MYO1E: variants seen among roughly 807,000 people sequenced by gnomAD.
MYO1E encodes myosin IE, also known as unconventional myosin-Ie.
MYO1E carries 68 observed loss-of-function variants against 151.1 expected under a neutral mutation model. The observed-to-expected ratio is 0.45, with a 90% confidence interval of 0.37 to 0.55. MYO1E has a LOEUF of 0.55. Ranked by LOEUF, MYO1E falls within the 20% of genes least tolerant of loss-of-function variation. MYO1E has a pLI of 0.00. For synonymous variants in MYO1E, 601 were observed against 501.7 expected, an observed-to-expected ratio of 1.20 and a Z score of -2.64; for missense variants, 1,363 against 1,389.3, an observed-to-expected ratio of 0.98 and a Z score of 0.30.
intron 10 of MYO1E, among the ~76,000 whole-genome samples, chr15:59,215,159 A>G (rs926100033): frequency 1.8e-4 from 28 of 152,298 alleles, no homozygotes; most frequent in South Asian, 8.3e-4. Context: ...CAGGGATGCT[A>G]AGGACAAGAC....
chr15:59,238,735 C>T (rs966296153), intron 4 of MYO1E, among the ~76,000 whole-genome samples: 12 of 151,842 alleles, frequency 7.9e-5, no homozygotes, highest in African/African-American at 2.9e-4. Context: ...CCATGCCTAG[C>T]TAATTTTTTA....
chr15:59,357,593 TTTGTTGTTGTTGTTG>T (rs146568549), intron 1 of MYO1E, among the ~76,000 whole-genome samples: 2 of 149,892 alleles, frequency 1.3e-5, no homozygotes, highest in African/African-American at 5.0e-5. Context: ...CCTGGCTATT[TTTGTTGTTGTTGTTG>T]TTGTTGTTGT....
chr15:59,275,170 C>G (rs1056485215), intron 1 of MYO1E, among the ~76,000 whole-genome samples: 1 of 152,128 alleles, frequency 6.6e-6, no homozygotes, highest in Non-Finnish European at 1.5e-5. Flanking sequence ...CAGTCTCATA[C>G]ATGAATGACT....
At position 59,134,154 on chromosome 15, in the gene MYO1E, G is replaced by A. The variant is rs1354999589; in HGVS notation, c.*3226C>T. 6.6e-6 allele frequency: 1 copy of A among 152,268 alleles called. No homozygotes were observed. The highest frequency in any genetic ancestry group is 1.5e-5 in the Non-Finnish European group (1 of 68,112). 9.4% of individuals were successfully genotyped at this position (152,268 alleles called of 1,614,324 possible). A position where few individuals can be genotyped will look rare whatever the true frequency, so the allele number is the denominator to read the frequency against. On this transcript the variant is annotated 3_prime_UTR_variant, in exon 28 of 28. Transcript: ENST00000288235. ...ATTGGTGGACATGGTGTGCACACAG[G>A]GCAGGTCCTTTAAGGAGGAAACTGC...
chr15:59,208,560 A>T, intron 14 of MYO1E, 121 bp downstream of exon 14: 2 of 1,240,928 alleles, frequency 1.6e-6, no homozygotes, highest in Non-Finnish European at 2.4e-6. Context: ...TTTGATAGTT[A>T]ATAAATTCCG....
chr15:59,309,599 C>T (rs146008080), intron 1 of MYO1E, among the ~76,000 whole-genome samples: 3,155 of 152,314 alleles, frequency 0.021, 53 homozygotes, highest in Middle Eastern at 0.031. Flanking sequence ...GCCCTAGAAC[C>T]GCCTTGTGAG....
chr15:59,148,647 T>C lies in MYO1E; in HGVS notation c.3080+4943A>G, dbSNP rs529424395. On this transcript the variant is annotated intron_variant, in intron 26 of 27. Coordinates refer to ENST00000288235, the MANE Select transcript of MYO1E (RefSeq NM_004998.4). Reference sequence around the variant, plus strand: ...CCCATAGATTATGGGTTGAGAAATATTGCTATTGGACACTTGATGGAAATT... The same window carrying C: ...CCCATAGATTATGGGTTGAGAAATACTGCTATTGGACACTTGATGGAAATT... Among the ~76,000 whole-genome samples, 11 of 152,246 alleles carry C rather than the reference T, an allele frequency of 7.2e-5. No individual in the cohort carries two copies. In the South Asian group the frequency reaches 2.3e-3, roughly 32 times the overall value.
intron 1 of MYO1E, among the ~76,000 whole-genome samples, chr15:59,298,496 C>T (rs1462765570): frequency 4.6e-5 from 7 of 152,130 alleles, no homozygotes; most frequent in African/African-American, 1.7e-4. Flanking sequence ...GCCCAGACAG[C>T]ACTGTGGGAA....
At chr15:59,372,249 A>C (rs2080950692) in intron 1 of MYO1E, among the ~76,000 whole-genome samples, 1 of 152,166 alleles carries the variant, frequency 6.6e-6, no homozygotes, top group Admixed American at 6.5e-5. Context: ...AGCCATAGCA[A>C]CCCGGCCACA....
At chr15:59,250,155 C>T (rs1441637401) in intron 4 of MYO1E, among the ~76,000 whole-genome samples, 1 of 152,048 alleles carries the variant, frequency 6.6e-6, no homozygotes, top group African/African-American at 2.4e-5. Flanking sequence ...TGTCTATGCC[C>T]CTGGAATGTC....
chr15:59,339,850 T>G (rs1051499883), intron 1 of MYO1E, among the ~76,000 whole-genome samples: 2 of 80,856 alleles, frequency 2.5e-5, no homozygotes, highest in Non-Finnish European at 4.8e-5. Context: ...CATACTTTTT[T>G]TTGTTTTTTT....
chr15:59,341,016 C>CAAAAAAA (rs35367694), intron 1 of MYO1E, among the ~76,000 whole-genome samples: 11 of 86,234 alleles, frequency 1.3e-4, no homozygotes, highest in South Asian at 3.8e-4. Context: ...GACTCCATCT[C>CAAAAAAA]AAAAAAAAAA....
chr15:59,135,132 T>C lies in MYO1E; in HGVS notation c.*2248A>G, dbSNP rs1431086873. The C allele has an allele frequency of 6.6e-6, 1 of 152,240 alleles. No individual in the cohort carries two copies. Among genetic ancestry groups the C allele is most frequent in the Non-Finnish European group, 1.5e-5 (1 of 68,062 alleles). The allele number at this position is 152,240 out of a possible 1,614,324, so 9.4% of individuals were successfully genotyped here. A position where few individuals can be genotyped will look rare whatever the true frequency, so the allele number is the denominator to read the frequency against. ...CACTTACCTATTTCAGCACCATTTG[T>C]TGGGCATCTCCTTGAGCCTGGCACT... On this transcript the variant is annotated 3_prime_UTR_variant, in exon 28 of 28. Coordinates refer to ENST00000288235, the MANE Select transcript of MYO1E (RefSeq NM_004998.4).
At chr15:59,255,845 G>C (rs953425189) in intron 4 of MYO1E, among the ~76,000 whole-genome samples, 14 of 152,202 alleles carry the variant, frequency 9.2e-5, no homozygotes, top group African/African-American at 3.4e-4. Context: ...ACCCAGCCAG[G>C]ATTCAGAGCC....
chr15:59,186,155 G>C (rs1352569103), intron 18 of MYO1E, among the ~76,000 whole-genome samples: 10 of 152,162 alleles, frequency 6.6e-5, no homozygotes, highest in African/African-American at 2.4e-4. Flanking sequence ...AGAGAACAAA[G>C]AGGGTAAACC....
At chr15:59,287,880 G>C (rs1269308903) in intron 1 of MYO1E, among the ~76,000 whole-genome samples, 2 of 152,214 alleles carry the variant, frequency 1.3e-5, no homozygotes, top group African/African-American at 2.4e-5. Flanking sequence ...CAACTAGAAG[G>C]AGTGGATCAG....
intron 1 of MYO1E, among the ~76,000 whole-genome samples, chr15:59,302,779 TATATA>T (rs1329075889): frequency 6.6e-6 from 1 of 152,122 alleles, no homozygotes. Context: ...CTCTGGACAC[TATATA>T]AATTATACAA....
chr15:59,195,294 C>G (rs565588691), intron 17 of MYO1E, among the ~76,000 whole-genome samples, 167 bp downstream of exon 17: 1 of 152,132 alleles, frequency 6.6e-6, no homozygotes, highest in African/African-American at 2.4e-5. Flanking sequence ...GCAAATGACA[C>G]GGAGGGGAAA....
chr15:59,317,483 G>A (rs1452844452), intron 1 of MYO1E, among the ~76,000 whole-genome samples: 2 of 152,078 alleles, frequency 1.3e-5, no homozygotes, highest in Non-Finnish European at 2.9e-5. Flanking sequence ...GAAGACAGCA[G>A]CAACAAGAGA....
Sources: gnomAD v4.1 joint callset for allele counts (sites outside exome capture counted in the v4.1 genomes callset) on GRCh38, gnomAD v4.1.1 for gene constraint, MANE v1.5 for transcripts, NCBI Gene and HGNC (gene_info 2026-07-23, HGNC 2026-07-21) for gene names.